Variants in ATP8A1 observed in about 807,000 individuals in gnomAD.
ATP8A1 encodes the protein phospholipid-transporting ATPase IA.
ATP8A1 carries 90 observed loss-of-function variants against 177.7 expected under a neutral mutation model. The observed-to-expected ratio is 0.51, with a 90% CI of 0.43 to 0.60. The LOEUF is 0.60. Ranked by LOEUF, ATP8A1 falls within the 20% of genes least tolerant of loss-of-function variation. ATP8A1 has a pLI of 0.00. For synonymous variants in ATP8A1, 493 were observed against 485.9 expected (o/e 1.01, Z -0.19); for missense variants, 1,072 against 1,392.8 (o/e 0.77, Z 3.67).
At chr4:42,527,729 T>C (rs1289341602) in intron 20 of ATP8A1, among the ~76,000 whole-genome samples, 3 of 152,050 alleles carry the variant, frequency 2.0e-5, no homozygotes, top group Non-Finnish European at 4.4e-5. Flanking sequence ...TTCAAATTTA[T>C]ATAAGCAGAA....
chr4:42,476,117 A>G (rs1721034450), intron 25 of ATP8A1, among the ~76,000 whole-genome samples: 1 of 152,198 alleles, frequency 6.6e-6, no homozygotes. Flanking sequence ...TAGGCTCTGG[A>G]AAGTCTGGCC....
intron 1 of ATP8A1, among the ~76,000 whole-genome samples, chr4:42,635,788 T>C (rs1428000160): frequency 1.1e-3 from 104 of 96,102 alleles, no homozygotes; most frequent in East Asian, 6.5e-3. Flanking sequence ...CACACATATA[T>C]ATATATATAT....
intron 15 of ATP8A1, among the ~76,000 whole-genome samples, chr4:42,566,175 T>C (rs1449599391): frequency 6.6e-6 from 1 of 152,234 alleles, no homozygotes; most frequent in Non-Finnish European, 1.5e-5. Context: ...CTCAACTAAA[T>C]GTAAATATGT....
At position 42,555,674 on chromosome 4, in the gene ATP8A1, T is replaced by A. The variant is rs991617437; in HGVS notation, c.1413+294A>T. ...CCCTGTCTCTACTAAAATACAAAAATTAGCCGGGTGTGGTGGCGAGTGCCT... is the reference window on the plus strand; with the variant it reads ...CCCTGTCTCTACTAAAATACAAAAAATAGCCGGGTGTGGTGGCGAGTGCCT... On this transcript the variant is annotated intron_variant, in intron 16 of 36. Coordinates refer to ENST00000381668, the MANE Select transcript of ATP8A1 (RefSeq NM_006095.2). Among the ~76,000 whole-genome samples, 21 of 152,068 alleles carry A rather than the reference T, an allele frequency of 1.4e-4. No homozygotes were observed. The South Asian group carries it at 3.5e-3, about 26-fold the overall frequency.
At chr4:42,512,847 G>A (rs1054595577) in intron 22 of ATP8A1, among the ~76,000 whole-genome samples, 2 of 152,172 alleles carry the variant, frequency 1.3e-5, no homozygotes, top group South Asian at 2.1e-4. Context: ...GTCTGAGAAC[G>A]TAACTATGAG....
intron 33 of ATP8A1, among the ~76,000 whole-genome samples, chr4:42,427,241 A>G (rs564688170): frequency 6.6e-6 from 1 of 152,390 alleles, no homozygotes; most frequent in South Asian, 2.1e-4. Context: ...AAAGTAAACA[A>G]TAAAAAACTG....
intron 1 of ATP8A1, among the ~76,000 whole-genome samples, chr4:42,635,954 T>C (rs1412748080): frequency 6.6e-6 from 1 of 151,592 alleles, no homozygotes; most frequent in Non-Finnish European, 1.5e-5. Flanking sequence ...CAGTCCTCTC[T>C]GTGTTCAGCC....
In ATP8A1 at chr4:42,602,433, C is replaced by G. The variant is rs1182666761; in HGVS notation, c.410-1915G>C. 1.3e-5 allele frequency among the ~76,000 whole-genome samples: 2 copies of G among 152,154 alleles called. 1 individual carries two copies. The highest frequency in any genetic ancestry group is 3.8e-4 in the East Asian group (2 of 5,198). ...AGGTGCTGTCTCTGCCAGAGTCCAA[C>G]AGTATGTTCCTCAAAATAAGTTGTA... On this transcript the variant is annotated intron_variant, in intron 5 of 36. Transcript: ENST00000381668.
At chr4:42,619,850 G>T (rs933616999) in intron 4 of ATP8A1, among the ~76,000 whole-genome samples, 2 of 151,952 alleles carry the variant, frequency 1.3e-5, no homozygotes, top group African/African-American at 4.8e-5. Flanking sequence ...AAAGAGATGC[G>T]TGCTCCATTT....
chr4:42,466,645 T>G (rs1719801157), intron 25 of ATP8A1, among the ~76,000 whole-genome samples: 1 of 152,266 alleles, frequency 6.6e-6, no homozygotes, highest in South Asian at 2.1e-4. Context: ...TTTAATTTTT[T>G]CTTTGGATTT....
intron 5 of ATP8A1, among the ~76,000 whole-genome samples, chr4:42,601,472 A>G (rs938941374): frequency 3.9e-5 from 6 of 152,024 alleles, no homozygotes; most frequent in Admixed American, 2.0e-4. Context: ...AGGGTTATCC[A>G]GTATAATTTT....
chr4:42,539,266 G>C (rs2153204797), intron 20 of ATP8A1, among the ~76,000 whole-genome samples: 1 of 152,104 alleles, frequency 6.6e-6, no homozygotes, highest in African/African-American at 2.4e-5. Context: ...GAGAGGAAGG[G>C]TGGGAGGGGA....
intron 13 of ATP8A1, 95 bp from the exon 14 acceptor site, chr4:42,574,802 G>A (rs772731531): frequency 1.7e-5 from 13 of 768,756 alleles, no homozygotes; most frequent in East Asian, 2.9e-5. Flanking sequence ...ACATTGCAGG[G>A]GCACAATGAA....
intron 12 of ATP8A1, among the ~76,000 whole-genome samples, chr4:42,576,623 G>A (rs1732491070): frequency 6.6e-6 from 1 of 151,788 alleles, no homozygotes; most frequent in Non-Finnish European, 1.5e-5. Flanking sequence ...ACAAATCAGG[G>A]TTGTAGTTCA....
rs1039385056 is a variant in ATP8A1 at position 42,410,496 on chromosome 4, A to T, written c.*2420T>A. On this transcript the variant is annotated 3_prime_UTR_variant, in exon 37 of 37. Coordinates refer to ENST00000381668, the MANE Select transcript of ATP8A1 (RefSeq NM_006095.2). ...CCAGTTAAGGAAGGTTTAAAAAATC[A>T]GACTATTTTCTCTAATTTAACACTG... is the stretch of plus-strand genomic sequence containing the variant. The T allele has an allele frequency of 3.3e-5, 5 of 152,232 alleles. No individual in the cohort carries two copies. The highest frequency in any genetic ancestry group is 1.2e-4 in the African/African-American group (5 of 41,472). 9.4% of individuals were successfully genotyped at this position (152,232 alleles called of 1,614,324 possible).
intron 24 of ATP8A1, among the ~76,000 whole-genome samples, chr4:42,500,808 T>G (rs1723785427): frequency 6.6e-6 from 1 of 152,166 alleles, no homozygotes; most frequent in Non-Finnish European, 1.5e-5. Flanking sequence ...TCAACTGTAG[T>G]TTGGTCTTAT....
intron 15 of ATP8A1, among the ~76,000 whole-genome samples, chr4:42,563,920 C>A (rs376821655): frequency 6.6e-6 from 1 of 152,148 alleles, no homozygotes; most frequent in African/African-American, 2.4e-5. Context: ...CTGGGGAAAC[C>A]CTGTCTCTAC....
At chr4:42,497,153 A>T (rs1723362307) in intron 24 of ATP8A1, among the ~76,000 whole-genome samples, 1 of 152,224 alleles carries the variant, frequency 6.6e-6, no homozygotes, top group Non-Finnish European at 1.5e-5. Flanking sequence ...AAAATCAAAC[A>T]AAAACAGTTT....
Position 42,409,173 on chromosome 4 carries a change from T to C in ATP8A1, c.*3743A>G, listed in dbSNP as rs572430607. ...ACATCAAGATTTACAGCAATAGCCA[T>C]GCATTGGCCTGGATCACTTTAAATA... is the stretch of plus-strand genomic sequence containing the variant. On this transcript the variant is annotated 3_prime_UTR_variant, in exon 37 of 37. Coordinates refer to ENST00000381668, the MANE Select transcript of ATP8A1 (RefSeq NM_006095.2). 8.5e-5 allele frequency: 13 copies of C among 152,324 alleles called. 1 individual carries two copies. The South Asian group carries it at 2.5e-3, about 29-fold the overall frequency. 9.4% of individuals were successfully genotyped at this position (152,324 alleles called of 1,614,324 possible).
Sources: gnomAD v4.1 joint callset for allele counts (sites outside exome capture counted in the v4.1 genomes callset) on GRCh38, gnomAD v4.1.1 for gene constraint, MANE v1.5 for transcripts, NCBI Gene and HGNC (gene_info 2026-07-23, HGNC 2026-07-21) for gene names.